The following NEGR1 variants were observed in gnomAD, a reference collection of about 807,000 sequenced individuals.
NEGR1 encodes neuronal growth regulator 1, also known as IgLON family member 4.
In NEGR1, 10 loss-of-function variants were observed where a neutral mutation model predicts 40.9. The ratio of observed to expected loss-of-function variants is 0.24; its 90% confidence interval spans 0.15 to 0.42. The LOEUF (loss-of-function observed/expected upper bound fraction) is 0.42. Among genes scored for constraint, NEGR1 ranks in the 10% least tolerant of loss-of-function variants. The pLI, the probability that NEGR1 is intolerant of heterozygous loss-of-function variation, is 1.00. For missense variants in NEGR1, 352 were observed against 438.9 expected (o/e 0.80, Z 1.77); for synonymous variants, 185 against 166.8 (o/e 1.11, Z -0.84).
At chr1:71,884,037 C>A (rs1257019244) in intron 2 of NEGR1, among the ~76,000 whole-genome samples, 1 of 151,822 alleles carries the variant, frequency 6.6e-6, no homozygotes, top group Non-Finnish European at 1.5e-5. Flanking sequence ...TATCCTTAAC[C>A]ATAACACCAT....
chr1:72,135,850 C>A (rs562699906), intron 1 of NEGR1, among the ~76,000 whole-genome samples: 2 of 152,210 alleles, frequency 1.3e-5, no homozygotes, highest in African/African-American at 4.8e-5. Context: ...AGAGTGACTA[C>A]TTTTAGTAGC....
At chr1:72,212,033 A>C (rs1310869215) in intron 1 of NEGR1, among the ~76,000 whole-genome samples, 1 of 151,988 alleles carries the variant, frequency 6.6e-6, no homozygotes, top group Non-Finnish European at 1.5e-5. Context: ...ATCAGATGAA[A>C]TGCCTACTCC....
At chr1:72,232,861 G>A (rs1570153678) in intron 1 of NEGR1, among the ~76,000 whole-genome samples, 1 of 151,992 alleles carries the variant, frequency 6.6e-6, no homozygotes, top group Admixed American at 6.5e-5. Flanking sequence ...CCTCTTTTTT[G>A]TCCTCTAGAG....
chr1:71,773,908 G>A (rs1168805135), intron 3 of NEGR1, among the ~76,000 whole-genome samples: 3 of 152,092 alleles, frequency 2.0e-5, no homozygotes, highest in African/African-American at 7.2e-5. Flanking sequence ...CTTTTAAAAA[G>A]AAGAATGTGC....
chr1:72,264,299 C>G (rs1329828651), intron 1 of NEGR1, among the ~76,000 whole-genome samples: 1 of 151,118 alleles, frequency 6.6e-6, no homozygotes, highest in Non-Finnish European at 1.5e-5. Flanking sequence ...AATTTTAACA[C>G]TTGTTCTCCT....
At chr1:71,541,565 G>A (rs1469918613) in intron 6 of NEGR1, among the ~76,000 whole-genome samples, 1 of 151,782 alleles carries the variant, frequency 6.6e-6, no homozygotes, top group African/African-American at 2.4e-5. Flanking sequence ...AGGATGCTAC[G>A]GGACATGCGT....
chr1:71,663,284 G>C (rs1167352669), intron 4 of NEGR1, among the ~76,000 whole-genome samples: 1 of 151,908 alleles, frequency 6.6e-6, no homozygotes, highest in East Asian at 1.9e-4. Flanking sequence ...TAGTGGTTAC[G>C]TGTGCAACTT....
chr1:71,836,048 G>A (rs1435633069), intron 2 of NEGR1, among the ~76,000 whole-genome samples: 4 of 152,000 alleles, frequency 2.6e-5, no homozygotes, highest in African/African-American at 7.2e-5. Flanking sequence ...TTGCAGGGTG[G>A]CTGATCAGGC....
intron 1 of NEGR1, among the ~76,000 whole-genome samples, chr1:72,108,995 C>T (rs1035018169): frequency 6.6e-6 from 1 of 151,460 alleles, no homozygotes; most frequent in Non-Finnish European, 1.5e-5. Context: ...AATAACTTCC[C>T]GGGTAAGCAA....
At position 71,697,833 on chromosome 1, in the gene NEGR1, T is replaced by C. The variant is rs1473946013; in HGVS notation, c.667+175A>G. Reference sequence around the variant, plus strand: ...ATTGTGGGTTTACTTGGGACAATTGTTGTTACATTAACCAATTTAACCAAC... The same window carrying C: ...ATTGTGGGTTTACTTGGGACAATTGCTGTTACATTAACCAATTTAACCAAC... On this transcript the variant is annotated intron_variant, in intron 4 of 6. Transcript: ENST00000357731. 1.3e-5 allele frequency: 8 copies of C among 597,782 alleles called. No individual in the cohort carries two copies. In the African/African-American group the frequency reaches 1.5e-4, roughly 11 times the overall value. 37.0% of individuals were successfully genotyped at this position (597,782 alleles called of 1,614,324 possible).
At chr1:71,918,970 T>C (rs1398623638) in intron 2 of NEGR1, among the ~76,000 whole-genome samples, 3 of 152,180 alleles carry the variant, frequency 2.0e-5, no homozygotes, top group Non-Finnish European at 4.4e-5. Context: ...ATGGAGTGAT[T>C]TTGATAAAAA....
At chr1:71,845,936 T>TG (rs1318353870) in intron 2 of NEGR1, among the ~76,000 whole-genome samples, 2 of 150,338 alleles carry the variant, frequency 1.3e-5, no homozygotes, top group South Asian at 2.1e-4. Flanking sequence ...TTTTTTTTTT[T>TG]TTTTTTTTAA....
chr1:71,917,840 A>T (rs1165836927), intron 2 of NEGR1, among the ~76,000 whole-genome samples: 1 of 151,648 alleles, frequency 6.6e-6, no homozygotes, highest in Non-Finnish European at 1.5e-5. Context: ...TTGAACAGCA[A>T]ACCACTCTTC....
intron 1 of NEGR1, among the ~76,000 whole-genome samples, chr1:71,985,652 A>G (rs537956965): frequency 2.6e-5 from 4 of 152,336 alleles, no homozygotes; most frequent in South Asian, 4.1e-4. Flanking sequence ...GGACAAATCT[A>G]TTAAATTATA....
chr1:71,779,273 C>G (rs1321374657), intron 2 of NEGR1, among the ~76,000 whole-genome samples: 1 of 152,152 alleles, frequency 6.6e-6, no homozygotes, highest in Non-Finnish European at 1.5e-5. Context: ...TACTGACTAT[C>G]ATGAAGGGAA....
At chr1:72,056,147 G>T (rs766664153) in intron 1 of NEGR1, among the ~76,000 whole-genome samples, 2 of 151,038 alleles carry the variant, frequency 1.3e-5, no homozygotes, top group Non-Finnish European at 3.0e-5. Context: ...GTGTAATTAC[G>T]TATAAGAAAT....
intron 3 of NEGR1, among the ~76,000 whole-genome samples, chr1:71,747,840 T>TC (rs1655438419): frequency 6.6e-6 from 1 of 151,672 alleles, no homozygotes; most frequent in African/African-American, 2.4e-5. Flanking sequence ...ACCTTTTTTT[T>TC]TTTTAACATT....
rs189367625 is a variant in NEGR1 at position 71,673,225 on chromosome 1, A to T, written c.667+24783T>A. Among the ~76,000 whole-genome samples, 4 of 152,248 alleles carry T rather than the reference A, an allele frequency of 2.6e-5. No individual in the cohort carries two copies. The East Asian group carries it at 7.7e-4, about 29-fold the overall frequency. ...CTGCACTCCAGTGCATCTCCAAAAA[A>T]AAACAACCCAAAAAACTGTATCCAT... On this transcript the variant is annotated intron_variant, in intron 4 of 6. Transcript: ENST00000357731.
At position 71,520,358 on chromosome 1, in the gene NEGR1, G is replaced by A. The variant is rs560765165; in HGVS notation, c.940+72459C>T. 5.3e-5 allele frequency among the ~76,000 whole-genome samples: 8 copies of A among 152,130 alleles called. No individual in the cohort carries two copies. In the East Asian group the frequency reaches 7.8e-4, roughly 15 times the overall value. ...GCTGACCTACCTCCAATGTCATAAC[G>A]TTGCTCCGTAAGCGTGGAATCAGAT... On this transcript the variant is annotated intron_variant, in intron 6 of 6. Transcript: ENST00000357731.
Sources: allele counts gnomAD v4.1 joint callset (sites outside exome capture counted in the v4.1 genomes callset), GRCh38; gene constraint gnomAD v4.1.1; transcripts MANE v1.5; gene names NCBI Gene and HGNC (gene_info 2026-07-23, HGNC 2026-07-21).